The following WBP1L variants were observed in gnomAD, a reference collection of about 807,000 sequenced individuals.
The protein encoded by WBP1L is WW domain binding protein 1-like.
WBP1L carries 17 observed loss-of-function variants against 33.7 expected under a neutral mutation model. The ratio of observed to expected loss-of-function variants is 0.50; its 90% CI spans 0.34 to 0.76. WBP1L has a LOEUF of 0.76. Among genes scored for constraint, WBP1L ranks in the 30% least tolerant of loss-of-function variants. The probability of loss-of-function intolerance (pLI) is 0.01; values close to 1 mark genes in which losing one functional copy is unlikely to be tolerated. For missense variants in WBP1L, 389 were observed against 469.4 expected, an observed-to-expected ratio of 0.83 and a Z score of 1.58; for synonymous variants, 173 against 190.8, an observed-to-expected ratio of 0.91 and a Z score of 0.77.
intron 1 of WBP1L, among the ~76,000 whole-genome samples, chr10:102,750,021 A>T (rs1423695594): frequency 2.6e-5 from 4 of 151,198 alleles, no homozygotes; most frequent in African/African-American, 2.4e-5. Context: ...ACCTCAGATG[A>T]TCTGCCCGCC....
chr10:102,763,647 AC>A (rs1439495855), intron 1 of WBP1L, among the ~76,000 whole-genome samples: 1 of 152,102 alleles, frequency 6.6e-6, no homozygotes, highest in Non-Finnish European at 1.5e-5. Context: ...TCAGCCAGAA[AC>A]CCTTAGTCCA....
chr10:102,776,117 C>G (rs1431264539), intron 1 of WBP1L: 6 of 1,340,114 alleles, frequency 4.5e-6, no homozygotes, highest in Non-Finnish European at 5.8e-6. Context: ...GATGTCATTT[C>G]CCCCTTGGCA....
At chr10:102,801,386 T>C (rs1384914732) in intron 2 of WBP1L, among the ~76,000 whole-genome samples, 2 of 152,174 alleles carry the variant, frequency 1.3e-5, no homozygotes, top group African/African-American at 2.4e-5. Flanking sequence ...AAACACACAC[T>C]TCTGGGCCCT....
chr10:102,810,139 T>C, intron 3 of WBP1L, 85 bp downstream of exon 3: 1 of 1,511,684 alleles, frequency 6.6e-7, no homozygotes, highest in Non-Finnish European at 8.9e-7. Flanking sequence ...GTGGCCAGGC[T>C]CCTGTAGGCA....
At chr10:102,747,219 A>G (rs1353911175) in intron 1 of WBP1L, among the ~76,000 whole-genome samples, 1 of 152,050 alleles carries the variant, frequency 6.6e-6, no homozygotes, top group East Asian at 1.9e-4. Context: ...AAAATTAGCC[A>G]GGCATGGTGG....
intron 1 of WBP1L, among the ~76,000 whole-genome samples, chr10:102,781,510 C>A (rs765997846): frequency 1.4e-3 from 206 of 152,172 alleles, no homozygotes; most frequent in Middle Eastern, 3.4e-3. Context: ...CTGCCCCTGC[C>A]CGTTGCTCTG....
At chr10:102,797,671 A>G (rs1590188136) in intron 1 of WBP1L, among the ~76,000 whole-genome samples, 1 of 151,026 alleles carries the variant, frequency 6.6e-6, no homozygotes, top group Non-Finnish European at 1.5e-5. Context: ...TCCTGCCTCA[A>G]CCTCCTGAGT....
chr10:102,813,577 A>G lies in WBP1L; in HGVS notation c.*246A>G. On this transcript the variant is annotated 3_prime_UTR_variant, in exon 4 of 4. Transcript: ENST00000448841. ...GTTGGTTCTGTGACTCATTCCTCAT[A>G]CCCTAACTCCATCTCCTTTCTTTAA... 1.9e-6 allele frequency: 1 copy of G among 536,274 alleles called. No individual in the cohort carries two copies. Among genetic ancestry groups the G allele is most frequent in the Non-Finnish European group, 3.3e-6 (1 of 304,848 alleles). The allele number at this position is 536,274 out of a possible 1,614,324, so 33.2% of individuals were successfully genotyped here. A position where few individuals can be genotyped will look rare whatever the true frequency, so the allele number is the denominator to read the frequency against.
chr10:102,798,061 G>A lies in WBP1L; in HGVS notation c.159G>A (p.Gln53=), dbSNP rs202128092. Residue 53 remains glutamine (Q), a synonymous_variant, in exon 2 of 4, where the codon CAG becomes CAA. Transcript: ENST00000448841. Reference sequence around the variant, plus strand: ...GTGACACAGGACACTGCTGTGGACAGTCTCAGTGCTGCAACTACTACTATG... The same window carrying A: ...GTGACACAGGACACTGCTGTGGACAATCTCAGTGCTGCAACTACTACTATG... ...YICDTGHCCG[Q]SQCCNYYYEL... is the part of the protein sequence containing the mutation. 2.8e-5 allele frequency: 46 copies of A among 1,614,220 alleles called. 1 individual carries two copies. In the East Asian group the frequency reaches 1.0e-3, roughly 35 times the overall value.
intron 1 of WBP1L, among the ~76,000 whole-genome samples, chr10:102,791,548 C>T (rs1201039260): frequency 6.6e-6 from 1 of 152,118 alleles, no homozygotes; most frequent in Non-Finnish European, 1.5e-5. Flanking sequence ...CCTGTAATCC[C>T]AGCACTTTGG....
chr10:102,779,605 A>G (rs1196798888), intron 1 of WBP1L, among the ~76,000 whole-genome samples: 4 of 152,150 alleles, frequency 2.6e-5, no homozygotes, highest in Non-Finnish European at 5.9e-5. Context: ...CCCGGCCAAA[A>G]AAAATGTAGA....
At chr10:102,810,715 C>T (rs1843826093) in intron 3 of WBP1L, among the ~76,000 whole-genome samples, 1 of 151,626 alleles carries the variant, frequency 6.6e-6, no homozygotes, top group Non-Finnish European at 1.5e-5. Context: ...TACAGGCATG[C>T]ACCACCACAC....
At chr10:102,777,966 T>C (rs1843289338) in intron 1 of WBP1L, among the ~76,000 whole-genome samples, 1 of 152,220 alleles carries the variant, frequency 6.6e-6, no homozygotes, top group Non-Finnish European at 1.5e-5. Flanking sequence ...TCATGCTGTG[T>C]CAGCAGGCTG....
At chr10:102,750,735 T>A (rs1162108624) in intron 1 of WBP1L, among the ~76,000 whole-genome samples, 2 of 151,980 alleles carry the variant, frequency 1.3e-5, no homozygotes, top group African/African-American at 4.8e-5. Flanking sequence ...TCTCCTGACC[T>A]TGTGATCCGC....
intron 1 of WBP1L, 124 bp from the exon 2 acceptor site, chr10:102,797,868 TG>T: frequency 2.3e-6 from 2 of 875,340 alleles, no homozygotes; most frequent in Non-Finnish European, 3.5e-6. Flanking sequence ...ATTTTCTTAA[TG>T]GAATAAACAT....
intron 1 of WBP1L, among the ~76,000 whole-genome samples, chr10:102,772,601 G>A (rs1398618266): frequency 1.8e-5 from 2 of 110,652 alleles, no homozygotes; most frequent in African/African-American, 3.7e-5. Flanking sequence ...ACAGAGTCTC[G>A]TTCTGTCGCT....
At chr10:102,811,406 T>C (rs576707603) in intron 3 of WBP1L, among the ~76,000 whole-genome samples, 1 of 152,364 alleles carries the variant, frequency 6.6e-6, no homozygotes, top group African/African-American at 2.4e-5. Flanking sequence ...GCTCCTTACA[T>C]GTGACCTCTC....
intron 1 of WBP1L, among the ~76,000 whole-genome samples, chr10:102,750,845 C>T (rs1327411865): frequency 6.6e-6 from 1 of 152,146 alleles, no homozygotes; most frequent in Non-Finnish European, 1.5e-5. Flanking sequence ...ACCCCATAGC[C>T]ATTAGCAGTC....
intron 1 of WBP1L, among the ~76,000 whole-genome samples, chr10:102,787,542 C>T (rs947092448): frequency 4.6e-5 from 7 of 151,702 alleles, no homozygotes; most frequent in Non-Finnish European, 7.4e-5. Flanking sequence ...GAGCTATGAT[C>T]GTGCCACTAC....
Sources: gnomAD v4.1 joint callset for allele counts (sites outside exome capture counted in the v4.1 genomes callset) on GRCh38, gnomAD v4.1.1 for gene constraint, MANE v1.5 for transcripts, NCBI Gene and HGNC (gene_info 2026-07-23, HGNC 2026-07-21) for gene names.